The following FSD1L variants were observed in gnomAD, a reference collection of about 807,000 sequenced individuals.
The protein encoded by FSD1L is fibronectin type III and SPRY domain containing 1 like.
A neutral mutation model predicts 71.6 loss-of-function variants in FSD1L; 45 were observed. The observed-to-expected ratio is 0.63, with a 90% CI of 0.49 to 0.81. The LOEUF is 0.81. FSD1L is among the 30% of genes least tolerant of loss of function. The probability of loss-of-function intolerance (pLI) is 0.00; values close to 1 mark genes in which losing one functional copy is unlikely to be tolerated. For missense variants in FSD1L, 561 were observed against 618.1 expected, an observed-to-expected ratio of 0.91 and a Z score of 0.98; for synonymous variants, 197 against 207.2, an observed-to-expected ratio of 0.95 and a Z score of 0.42.
upstream of FSD1L, among the ~76,000 whole-genome samples, chr9:105,445,536 A>G (rs1829623560): frequency 6.6e-6 from 1 of 152,108 alleles, no homozygotes; most frequent in Admixed American, 6.5e-5. Flanking sequence ...AATTGCCCTC[A>G]GACAGTAATG....
chr9:105,512,959 C>A, intron 10 of FSD1L, 23 bp downstream of exon 10: 1 of 1,490,088 alleles, frequency 6.7e-7, no homozygotes, highest in Non-Finnish European at 8.9e-7. Flanking sequence ...ATTAAATCTG[C>A]CATATGGACA....
chr9:105,513,696 T>C, intron 10 of FSD1L: 1 of 1,280,012 alleles, frequency 7.8e-7, no homozygotes, highest in Non-Finnish European at 1.1e-6. Flanking sequence ...TTAAAAAAAC[T>C]TTAATTTTAT....
At chr9:105,506,898 A>G (rs1834086823) in intron 8 of FSD1L, among the ~76,000 whole-genome samples, 1 of 151,860 alleles carries the variant, frequency 6.6e-6, no homozygotes, top group African/African-American at 2.4e-5. Flanking sequence ...CAGCTTCCTG[A>G]CAAGCTGGGA....
intron 10 of FSD1L, among the ~76,000 whole-genome samples, chr9:105,516,607 G>A (rs1834741548): frequency 6.6e-6 from 1 of 152,180 alleles, no homozygotes; most frequent in South Asian, 2.1e-4. Flanking sequence ...GGGCCTGACT[G>A]TTAGAAGGAA....
intron 6 of FSD1L, among the ~76,000 whole-genome samples, chr9:105,479,646 T>C (rs551228893): frequency 2.0e-5 from 3 of 152,236 alleles, no homozygotes; most frequent in Admixed American, 1.3e-4. Flanking sequence ...CAGTTCTTAA[T>C]TAGTTGTACT....
chr9:105,443,941 CTG>C (rs1829587401), upstream of FSD1L, among the ~76,000 whole-genome samples: 1 of 152,124 alleles, frequency 6.6e-6, no homozygotes, highest in Admixed American at 6.6e-5. Context: ...GCTAAAGAAA[CTG>C]AGGCTTAGAG....
intron 10 of FSD1L, among the ~76,000 whole-genome samples, chr9:105,532,221 C>T (rs568206369): frequency 6.6e-6 from 1 of 152,276 alleles, no homozygotes; most frequent in Admixed American, 6.5e-5. Flanking sequence ...GTTATCTTTT[C>T]TCCTGAGCTT....
chr9:105,469,431 T>C (rs1235886188), intron 4 of FSD1L, among the ~76,000 whole-genome samples: 1 of 148,590 alleles, frequency 6.7e-6, no homozygotes, highest in Non-Finnish European at 1.5e-5. Context: ...GTGCTTTTTA[T>C]TTTCTGGTTT....
chr9:105,446,307 G>C (rs144456822), upstream of FSD1L, among the ~76,000 whole-genome samples: 147 of 152,288 alleles, frequency 9.7e-4, 2 homozygotes, highest in African/African-American at 3.5e-3. Context: ...TTCCAAGAGA[G>C]ATCTTCCCTG....
At chr9:105,485,533 G>GTTTTTTTTTTTTTTTTT (rs34268568) in intron 7 of FSD1L, among the ~76,000 whole-genome samples, 1 of 79,406 alleles carries the variant, frequency 1.3e-5, no homozygotes, top group Admixed American at 1.6e-4. Flanking sequence ...TTGGTTAGGT[G>GTTTTTTTTTTTTTTTTT]TTTTTTTTTT....
At chr9:105,521,881 C>T (rs1484089583) in intron 10 of FSD1L, 3 of 1,612,196 alleles carry the variant, frequency 1.9e-6, no homozygotes, top group Non-Finnish European at 2.5e-6. Context: ...CTTCTTGAAC[C>T]TGCAAATGAA....
At chr9:105,512,520 T>C (rs916967282) in intron 9 of FSD1L, among the ~76,000 whole-genome samples, 1 of 152,102 alleles carries the variant, frequency 6.6e-6, no homozygotes, top group African/African-American at 2.4e-5. Context: ...TGTGTACTCA[T>C]TGAGATTTTA....
intron 7 of FSD1L, among the ~76,000 whole-genome samples, chr9:105,505,426 A>G (rs113805739): frequency 6.6e-6 from 1 of 152,114 alleles, no homozygotes; most frequent in South Asian, 2.1e-4. Flanking sequence ...ACACCTGGCT[A>G]ATTTTTGTGT....
intron 3 of FSD1L, among the ~76,000 whole-genome samples, chr9:105,465,379 G>A (rs1209592821): frequency 1.3e-5 from 2 of 152,120 alleles, no homozygotes; most frequent in African/African-American, 2.4e-5. Flanking sequence ...AATCAAACAG[G>A]AGGGAGTAGT....
At chr9:105,485,513 T>G (rs1251627652) in intron 7 of FSD1L, among the ~76,000 whole-genome samples, 1 of 143,910 alleles carries the variant, frequency 6.9e-6, no homozygotes, top group African/African-American at 2.5e-5. Context: ...GAATATGACT[T>G]AACAACCTTT....
chr9:105,506,387 T>TC lies in FSD1L; in HGVS notation c.587-11dup, dbSNP rs1176572877. On this transcript the variant is annotated splice_polypyrimidine_tract_variant and intron_variant, in intron 7 of 13. Transcript: ENST00000481272. ...GGAATGAATGAGTCTTTTTTTTTTT[T>TC]CTTCTTTGCAGTCCCCAAAGCTCCA... The TC allele has an allele frequency of 2.0e-6, 3 of 1,519,390 alleles. No homozygotes were observed. Among genetic ancestry groups the TC allele is most frequent in the East Asian group, 2.5e-5 (1 of 40,706 alleles). The allele number at this position is 1,519,390 out of a possible 1,614,324, so 94.1% of individuals were successfully genotyped here. A position where few individuals can be genotyped will look rare whatever the true frequency, so the allele number is the denominator to read the frequency against.
intron 7 of FSD1L, among the ~76,000 whole-genome samples, chr9:105,491,408 T>G (rs896389828): frequency 6.6e-6 from 1 of 152,056 alleles, no homozygotes; most frequent in African/African-American, 2.4e-5. Context: ...GCTGAGACAA[T>G]GGGGTTTCCT....
chr9:105,502,642 C>T (rs1833829787), intron 7 of FSD1L, among the ~76,000 whole-genome samples: 1 of 152,028 alleles, frequency 6.6e-6, no homozygotes, highest in Non-Finnish European at 1.5e-5. Context: ...TGCACATACA[C>T]ATAGATATTA....
intron 7 of FSD1L, among the ~76,000 whole-genome samples, chr9:105,498,807 A>G (rs1386680075): frequency 6.6e-6 from 1 of 152,178 alleles, no homozygotes; most frequent in Non-Finnish European, 1.5e-5. Flanking sequence ...TATTTTTAGT[A>G]GAGATGGGGT....
Sources: gnomAD v4.1 joint callset for allele counts (sites outside exome capture counted in the v4.1 genomes callset) on GRCh38, gnomAD v4.1.1 for gene constraint, MANE v1.5 for transcripts, NCBI Gene and HGNC (gene_info 2026-07-23, HGNC 2026-07-21) for gene names.